ATF7IP2: variants seen among roughly 807,000 people sequenced by gnomAD.
ATF7IP2 encodes the protein activating transcription factor 7-interacting protein 2.
ATF7IP2 carries 42 observed loss-of-function variants against 64.2 expected under a neutral mutation model. The observed-to-expected ratio is 0.65, with a 90% CI of 0.51 to 0.85. ATF7IP2 has a LOEUF of 0.85. Ranked by LOEUF, ATF7IP2 falls within the 40% of genes least tolerant of loss-of-function variation. The pLI is 0.00. For missense variants in ATF7IP2, 933 were observed against 784.2 expected, an observed-to-expected ratio of 1.19 and a Z score of -2.27; for synonymous variants, 308 against 272.8, an observed-to-expected ratio of 1.13 and a Z score of -1.27.
At chr16:10,445,701 T>A (rs2048778743) in intron 8 of ATF7IP2, 1 of 152,184 alleles carries the variant, frequency 6.6e-6, no homozygotes, top group Non-Finnish European at 1.5e-5. Flanking sequence ...GAGACAGGAT[T>A]TCTTTATGTT....
At chr16:10,393,305 G>C (rs1469894058) in intron 1 of ATF7IP2, among the ~76,000 whole-genome samples, 1 of 95,264 alleles carries the variant, frequency 1.0e-5, no homozygotes, top group East Asian at 3.4e-4. Flanking sequence ...GACAGAGTGA[G>C]ACTCTGTCTC....
Position 10,466,790 on chromosome 16 carries a change from G to GT in ATF7IP2, c.1353-5313dup, listed in dbSNP as rs1382713629. 2.6e-5 allele frequency among the ~76,000 whole-genome samples: 4 copies of GT among 151,904 alleles called. No individual in the cohort carries two copies. In the East Asian group the frequency reaches 7.8e-4, roughly 29 times the overall value. On this transcript the variant is annotated intron_variant, in intron 9 of 13. Coordinates refer to ENST00000562102, the MANE Select transcript of ATF7IP2 (RefSeq NM_001393719.1). The stretch of plus-strand genomic sequence containing the variant: ...ACTGACTGTACTTAATTTCAGTGTA[G>GT]TTTTTTTCATAGACTATATGCTTTT...
At chr16:10,470,771 C>T (rs73497899) in intron 9 of ATF7IP2, among the ~76,000 whole-genome samples, 4,489 of 150,060 alleles carry the variant, frequency 0.03, 204 homozygotes, top group African/African-American at 0.1. Flanking sequence ...AGACAGAGCA[C>T]GAGTCTGTCT....
chr16:10,461,053 A>G (rs1019683868), intron 9 of ATF7IP2, among the ~76,000 whole-genome samples: 1 of 152,196 alleles, frequency 6.6e-6, no homozygotes. Flanking sequence ...TCCACTTCAC[A>G]AAAGAGGAGT....
chr16:10,440,486 G>T, intron 8 of ATF7IP2, 24 bp downstream of exon 8: 3 of 1,256,814 alleles, frequency 2.4e-6, no homozygotes, highest in Non-Finnish European at 3.4e-6. Context: ...CACAGGAATT[G>T]TAATCATCTA....
In ATF7IP2 at chr16:10,455,637, C is replaced by T. The variant is rs117354300; in HGVS notation, c.1195-1735C>T. 5.8e-4 allele frequency among the ~76,000 whole-genome samples: 88 copies of T among 152,174 alleles called. No homozygotes were observed. In the East Asian group the frequency reaches 0.01, roughly 18 times the overall value. Reference sequence around the variant, plus strand: ...TAGAGACTAGAGGAGTTTTGAGGAGCATGCTTTATAAAAAGCCTAGATTAC... The same window carrying T: ...TAGAGACTAGAGGAGTTTTGAGGAGTATGCTTTATAAAAAGCCTAGATTAC... On this transcript the variant is annotated intron_variant, in intron 8 of 13. Transcript: ENST00000562102.
chr16:10,389,600 G>T (rs904591570), intron 1 of ATF7IP2, among the ~76,000 whole-genome samples: 3 of 152,098 alleles, frequency 2.0e-5, no homozygotes, highest in Non-Finnish European at 2.9e-5. Flanking sequence ...ACAGGAAATC[G>T]ACATGGCTAA....
Position 10,478,186 on chromosome 16 carries a change from G to A in ATF7IP2, c.1550-2693G>A, listed in dbSNP as rs199743395. ...TTCATATGGAACCAAAAAAGAGCCC[G>A]CATCGCCAAGTCAATCCTAAGCCAA... is the stretch of plus-strand genomic sequence containing the variant. On this transcript the variant is annotated intron_variant, in intron 12 of 13. Coordinates refer to ENST00000562102, the MANE Select transcript of ATF7IP2 (RefSeq NM_001393719.1). 1.5e-3 allele frequency among the ~76,000 whole-genome samples: 221 copies of A among 148,688 alleles called. 3 individuals carry two copies. In the East Asian group the frequency reaches 0.032, roughly 22 times the overall value.
chr16:10,476,866 A>T (rs1028225278), intron 12 of ATF7IP2, among the ~76,000 whole-genome samples: 1 of 152,174 alleles, frequency 6.6e-6, no homozygotes, highest in Non-Finnish European at 1.5e-5. Context: ...ATAGTATTCC[A>T]TGTGTATATG....
intron 8 of ATF7IP2, among the ~76,000 whole-genome samples, chr16:10,453,342 G>C (rs1270653151): frequency 6.6e-6 from 1 of 152,164 alleles, no homozygotes; most frequent in Non-Finnish European, 1.5e-5. Flanking sequence ...GTAGGGAAGA[G>C]AATTCCTTGA....
At chr16:10,466,715 T>C (rs986662007) in intron 9 of ATF7IP2, among the ~76,000 whole-genome samples, 3 of 152,200 alleles carry the variant, frequency 2.0e-5, no homozygotes, top group Non-Finnish European at 4.4e-5. Flanking sequence ...ATTATAAATA[T>C]CTTTCCTGAC....
rs867147709 is a variant in ATF7IP2 at position 10,475,810 on chromosome 16, A to G, written c.1549+1821A>G. Among the ~76,000 whole-genome samples the G allele has an allele frequency of 4.6e-5, 7 of 151,920 alleles. No individual in the cohort carries two copies. In the South Asian group the frequency reaches 1.0e-3, roughly 23 times the overall value. On this transcript the variant is annotated intron_variant, in intron 12 of 13. Transcript: ENST00000562102. Reference sequence around the variant, plus strand: ...AAATGATCAATTTAAACCTGACCACACTGATAATAAATGTAAATGGTCCAA... The same window carrying G: ...AAATGATCAATTTAAACCTGACCACGCTGATAATAAATGTAAATGGTCCAA...
chr16:10,445,819 A>T (rs1036046628), intron 8 of ATF7IP2: 7 of 152,330 alleles, frequency 4.6e-5, no homozygotes, highest in African/African-American at 1.7e-4. Flanking sequence ...GGAGATTATT[A>T]AATACATGGG....
chr16:10,483,331 C>T lies in ATF7IP2; in HGVS notation c.*1082C>T, dbSNP rs2050305137. ...TACCCTTTGATCATTTCCTGGCCAC[C>T]ATCACAATACTAAGGGGCTCAGATG... On this transcript the variant is annotated 3_prime_UTR_variant, in exon 14 of 14. Coordinates refer to ENST00000562102, the MANE Select transcript of ATF7IP2 (RefSeq NM_001393719.1). The T allele has an allele frequency of 6.6e-6, 1 of 152,098 alleles. No individual in the cohort carries two copies. The highest frequency in any genetic ancestry group is 6.5e-5 in the Admixed American group (1 of 15,272). 9.4% of individuals were successfully genotyped at this position (152,098 alleles called of 1,614,324 possible).
At chr16:10,454,014 T>C (rs2141997458) in intron 8 of ATF7IP2, 2 of 152,280 alleles carry the variant, frequency 1.3e-5, no homozygotes, top group Middle Eastern at 3.4e-3. Context: ...TTCAGTTTTT[T>C]TTTTTTTTCC....
Position 10,430,931 on chromosome 16 carries a change from A to G in ATF7IP2, c.311A>G (p.His104Arg). 6.2e-7 allele frequency: 1 copy of G among 1,614,090 alleles called. No homozygotes were observed. The change falls in exon 5 of 14, where the codon CAT becomes CGT. Residue 104 changes from histidine (H) to arginine (R), a missense_variant. His to Arg is a conservative substitution (Grantham distance 29). Transcript: ENST00000562102. ...NCIKPVEEIV[H>R]SETKLEQVVC... ...ATAAAACCAGTAGAAGAAATTGTTC[A>G]TTCAGAAACAAAATTGGAACAAGTT...
chr16:10,470,191 CTATATA>C (rs1183385662), intron 9 of ATF7IP2, among the ~76,000 whole-genome samples: 1 of 152,004 alleles, frequency 6.6e-6, no homozygotes, highest in East Asian at 1.9e-4. Context: ...ACACTACATC[CTATATA>C]TATGTAGAAT....
chr16:10,454,684 A>C (rs1463573329), intron 8 of ATF7IP2, among the ~76,000 whole-genome samples: 1 of 152,142 alleles, frequency 6.6e-6, no homozygotes, highest in Non-Finnish European at 1.5e-5. Flanking sequence ...TTTAAAGCTG[A>C]ATTTCCTTCT....
chr16:10,430,584 A>G (rs1173409147), intron 4 of ATF7IP2, 27 bp from the exon 5 acceptor site: 3 of 1,440,476 alleles, frequency 2.1e-6, no homozygotes, highest in Non-Finnish European at 2.9e-6. Context: ...AGAGAAATGC[A>G]TTTAAATATG....
Sources: allele counts gnomAD v4.1 joint callset (sites outside exome capture counted in the v4.1 genomes callset), GRCh38; gene constraint gnomAD v4.1.1; transcripts MANE v1.5; gene names NCBI Gene and HGNC (gene_info 2026-07-23, HGNC 2026-07-21).